Variants in EPB41L3 observed in about 807,000 individuals in gnomAD.
EPB41L3 encodes erythrocyte membrane protein band 4.1 like 3, also known as band 4.1-like protein 3.
A neutral mutation model predicts 127.1 loss-of-function variants in EPB41L3; 57 were observed. The ratio of observed to expected loss-of-function variants is 0.45; its 90% CI spans 0.36 to 0.56. The LOEUF is 0.56. EPB41L3 is among the 20% of genes least tolerant of loss of function. The probability of loss-of-function intolerance (pLI) is 0.00; values close to 1 mark genes in which losing one functional copy is unlikely to be tolerated. For synonymous variants in EPB41L3, 572 were observed against 549.5 expected, an observed-to-expected ratio of 1.04 and a Z score of -0.57; for missense variants, 1,273 against 1,372.2, an observed-to-expected ratio of 0.93 and a Z score of 1.14.
intron 6 of EPB41L3, among the ~76,000 whole-genome samples, chr18:5,435,224 T>G (rs1219665627): frequency 6.6e-6 from 1 of 152,198 alleles, no homozygotes; most frequent in Non-Finnish European, 1.5e-5. Context: ...AAGCTAAGGT[T>G]AATTTATTAT....
chr18:5,484,109 A>AAAAAAAAAAAAAAAAAAAAAAAAAAAAC (rs2089223189), intron 2 of EPB41L3, among the ~76,000 whole-genome samples: 1 of 143,806 alleles, frequency 7.0e-6, no homozygotes, highest in Non-Finnish European at 1.5e-5. Context: ...AAAAAAAAAA[A>AAAAAAAAAAAAAAAAAAAAAAAAAAAAC]AAAAAAAAAA....
chr18:5,565,195 G>A (rs775673330), intron 3 of EPB41L3, among the ~76,000 whole-genome samples: 6 of 150,260 alleles, frequency 4.0e-5, no homozygotes, highest in Non-Finnish European at 7.4e-5. Context: ...CCAGGAGTTC[G>A]AGACCAGCCT....
In EPB41L3 at chr18:5,500,840, C is replaced by A. The variant is rs79303837; in HGVS notation, c.-11-11646G>T. On this transcript the variant is annotated intron_variant, in intron 1 of 22. Coordinates refer to ENST00000341928, the MANE Select transcript of EPB41L3 (RefSeq NM_012307.5). ...GAGCCCTGTAAATTCAAACGAACAG[C>A]AGAACAAGGAGCTGCCCTGGACATT... is the stretch of plus-strand genomic sequence containing the variant. Among the ~76,000 whole-genome samples the A allele has an allele frequency of 2.2e-3, 336 of 152,260 alleles. 1 individual carries two copies. Among genetic ancestry groups the A allele is most frequent in the Non-Finnish European group, 4.1e-3 (277 of 68,022 alleles).
rs191034496 is a variant in EPB41L3 at position 5,488,889 on chromosome 18, G to C, written c.183+112C>G. The C allele has an allele frequency of 2.0e-3, 2,405 of 1,175,138 alleles. 1 individual carries two copies. Among genetic ancestry groups the C allele is most frequent in the Non-Finnish European group, 2.4e-3 (2,067 of 871,682 alleles). 72.8% of individuals were successfully genotyped at this position (1,175,138 alleles called of 1,614,324 possible). On this transcript the variant is annotated intron_variant, in intron 2 of 22. Coordinates refer to ENST00000341928, the MANE Select transcript of EPB41L3 (RefSeq NM_012307.5). ...TTTCATCTGCCTGGGGCTAGAAGGG[G>C]AACAGCAGATGACCCCTCATAGCTG...
chr18:5,497,371 C>T (rs2091277805), intron 1 of EPB41L3, among the ~76,000 whole-genome samples: 1 of 152,064 alleles, frequency 6.6e-6, no homozygotes, highest in South Asian at 2.1e-4. Flanking sequence ...GGCAACAGTC[C>T]AGGTGAGGGA....
At chr18:5,513,002 C>G (rs992631242) in intron 1 of EPB41L3, among the ~76,000 whole-genome samples, 1 of 152,156 alleles carries the variant, frequency 6.6e-6, no homozygotes, top group Non-Finnish European at 1.5e-5. Flanking sequence ...ATGAGGAAAA[C>G]AGCATGCATG....
chr18:5,566,747 CTATTCT>C (rs2094206823), intron 3 of EPB41L3, among the ~76,000 whole-genome samples: 1 of 133,538 alleles, frequency 7.5e-6, no homozygotes, highest in East Asian at 2.3e-4. Context: ...CTATTCTATT[CTATTCT>C]ATTCTATTCT....
At chr18:5,623,373 C>T (rs895718838) in intron 1 of EPB41L3, among the ~76,000 whole-genome samples, 3 of 152,270 alleles carry the variant, frequency 2.0e-5, no homozygotes, top group South Asian at 2.1e-4. Context: ...TCTAACACTA[C>T]GTGAAAGTAT....
chr18:5,575,084 A>G (rs1411401635), intron 3 of EPB41L3, among the ~76,000 whole-genome samples: 1 of 152,196 alleles, frequency 6.6e-6, no homozygotes, highest in East Asian at 1.9e-4. Context: ...ATCATGGTTT[A>G]TGAAGTAAGG....
intron 2 of EPB41L3, among the ~76,000 whole-genome samples, chr18:5,484,759 C>G (rs946266889): frequency 6.6e-6 from 1 of 151,894 alleles, no homozygotes; most frequent in Non-Finnish European, 1.5e-5. Context: ...AATTTCTAGA[C>G]ACATACAACT....
chr18:5,544,453 G>T, upstream of EPB41L3: 2 of 387,272 alleles, frequency 5.2e-6, no homozygotes, highest in Non-Finnish European at 7.1e-6. Context: ...AGTTGGTGGT[G>T]TCTTCAAGTC....
intron 3 of EPB41L3, among the ~76,000 whole-genome samples, chr18:5,589,034 T>C (rs1471126496): frequency 6.6e-6 from 1 of 152,124 alleles, no homozygotes; most frequent in African/African-American, 2.4e-5. Context: ...ACATTGCACT[T>C]AGAGGGATGT....
chr18:5,533,928 G>A (rs752541663), intron 1 of EPB41L3, among the ~76,000 whole-genome samples: 15 of 152,192 alleles, frequency 9.9e-5, no homozygotes, highest in Non-Finnish European at 2.2e-4. Flanking sequence ...ACTTTGGGAG[G>A]CTGAGATGGG....
intron 3 of EPB41L3, among the ~76,000 whole-genome samples, chr18:5,610,944 G>T (rs568920856): frequency 2.0e-5 from 3 of 152,228 alleles, no homozygotes; most frequent in African/African-American, 7.2e-5. Flanking sequence ...AGAACATATT[G>T]TCAAGTAGAT....
At chr18:5,438,383 A>T (rs1598934771) in intron 5 of EPB41L3, among the ~76,000 whole-genome samples, 1 of 152,244 alleles carries the variant, frequency 6.6e-6, no homozygotes, top group Admixed American at 6.5e-5. Context: ...AAGGTAAGCA[A>T]GCACTTGGAA....
chr18:5,569,455 A>AC (rs2094248752), intron 3 of EPB41L3, among the ~76,000 whole-genome samples: 1 of 152,082 alleles, frequency 6.6e-6, no homozygotes, highest in East Asian at 1.9e-4. Flanking sequence ...AATTAGAGAT[A>AC]CCCCCATTGT....
intron 1 of EPB41L3, among the ~76,000 whole-genome samples, chr18:5,624,429 A>C (rs898180377): frequency 6.6e-6 from 1 of 152,254 alleles, no homozygotes. Flanking sequence ...TGTCTAGCTC[A>C]CATGACTATA....
chr18:5,493,359 G>A (rs895269872), intron 1 of EPB41L3, among the ~76,000 whole-genome samples: 2 of 152,108 alleles, frequency 1.3e-5, no homozygotes, highest in South Asian at 2.1e-4. Context: ...CCTGTCTAAC[G>A]AGTATATAGG....
At chr18:5,616,596 A>T (rs2094797895) in intron 1 of EPB41L3, among the ~76,000 whole-genome samples, 1 of 152,198 alleles carries the variant, frequency 6.6e-6, no homozygotes, top group African/African-American at 2.4e-5. Context: ...GAAGCATAAT[A>T]ACAAAATGAA....
Sources: allele counts gnomAD v4.1 joint callset (sites outside exome capture counted in the v4.1 genomes callset), GRCh38; gene constraint gnomAD v4.1.1; transcripts MANE v1.5; gene names NCBI Gene and HGNC (gene_info 2026-07-23, HGNC 2026-07-21).